PRAG1: variants seen among roughly 807,000 people sequenced by gnomAD.
The protein encoded by PRAG1 is inactive tyrosine-protein kinase PRAG1.
A neutral mutation model predicts 95.6 loss-of-function variants in PRAG1; 110 were observed. The ratio of observed to expected loss-of-function variants is 1.15; its 90% CI spans 0.99 to 1.35. PRAG1 has a LOEUF of 1.35. PRAG1 is among the 40% of genes most tolerant of loss of function. PRAG1 has a pLI of 0.00. For synonymous variants in PRAG1, 1,052 were observed against 819.4 expected, an observed-to-expected ratio of 1.28 and a Z score of -4.85; for missense variants, 2,554 against 1,864.7, an observed-to-expected ratio of 1.37 and a Z score of -6.81.
At chr8:8,345,588 C>G (rs1313250872) in intron 3 of PRAG1, among the ~76,000 whole-genome samples, 1 of 151,824 alleles carries the variant, frequency 6.6e-6, no homozygotes, top group African/African-American at 2.4e-5. Context: ...GCCAGGAGTT[C>G]GAGACCACCC....
intron 1 of PRAG1, among the ~76,000 whole-genome samples, chr8:8,382,238 C>G (rs1412788432): frequency 6.6e-6 from 1 of 152,056 alleles, no homozygotes; most frequent in Non-Finnish European, 1.5e-5. Context: ...CGCTGACCCA[C>G]AGAAACAAGA....
rs1798675983 is a variant in PRAG1 at position 8,327,734 on chromosome 8, G to A, written c.3048C>T (p.Asp1016=). Residue 1016 remains aspartate (D), a synonymous_variant, in exon 5 of 6, where the codon GAC becomes GAT. Coordinates refer to ENST00000615670, the MANE Select transcript of PRAG1 (RefSeq NM_001080826.3). ...CTTTCACAGCATAGGTGCTGCCGGG[G>A]TCCTCAGAGCAGGTGGCACAGTAAT... ...AIYYCATCSE[D]PGSTYAVKIC... is the part of the protein sequence containing the mutation. 1.9e-6 allele frequency: 3 copies of A among 1,613,588 alleles called. No individual in the cohort carries two copies. Among genetic ancestry groups the A allele is most frequent in the South Asian group, 1.1e-5 (1 of 91,040 alleles).
In PRAG1 at chr8:8,339,544, G is replaced by A; in HGVS notation, c.2254C>T (p.His752Tyr). 6.2e-7 allele frequency: 1 copy of A among 1,614,160 alleles called. No homozygotes were observed. The highest frequency in any genetic ancestry group is 8.5e-7 in the Non-Finnish European group (1 of 1,180,014). The change falls in exon 4 of 6, where the codon CAC becomes TAC. Residue 752 changes from histidine (H) to tyrosine (Y), a missense_variant. His to Tyr is a moderately conservative substitution (Grantham distance 83). Transcript: ENST00000615670. ...GTGGAGCCGGTGGTGAAGCTGACGT[G>A]GACACCCCTGAAGGATGGGCTGAGG... The part of the protein sequence containing the change: ...ESLSPSFRGV[H>Y]VSFTTGSTDS...
Position 8,377,238 on chromosome 8 carries a change from G to T in PRAG1, c.1171C>A (p.Leu391Ile). 6.2e-7 allele frequency: 1 copy of T among 1,612,870 alleles called. No individual in the cohort carries two copies. Among genetic ancestry groups the T allele is most frequent in the Non-Finnish European group, 8.5e-7 (1 of 1,179,976 alleles). ...GGCTGGGGCTCCCCCGTCAGCCCAA[G>T]GCATCTGCTAGGGGTCACCCCTGGG... ...GCPGVTPSRC[L>I]GLTGEPQPPA... The change falls in exon 3 of 6, where the codon CTT (leucine) becomes ATT (isoleucine). Residue 391 changes from leucine (L) to isoleucine (I), a missense_variant. Transcript: ENST00000615670.
intron 4 of PRAG1, among the ~76,000 whole-genome samples, chr8:8,338,571 T>C (rs1195142833): frequency 1.3e-5 from 2 of 152,210 alleles, no homozygotes; most frequent in Non-Finnish European, 1.5e-5. Flanking sequence ...AAATCAAGAC[T>C]AAGATATTTC....
intron 4 of PRAG1, among the ~76,000 whole-genome samples, chr8:8,337,916 TG>T (rs1302234544): frequency 6.6e-6 from 1 of 152,066 alleles, no homozygotes; most frequent in African/African-American, 2.4e-5. Context: ...CCCTTGCCGG[TG>T]TCTATTGAAG....
In PRAG1 at chr8:8,377,985, G is replaced by C. The variant is rs371444632; in HGVS notation, c.424C>G (p.Pro142Ala). The change falls in exon 3 of 6, where the codon CCT (proline) becomes GCT (alanine). Residue 142 changes from proline to alanine, a missense_variant. Transcript: ENST00000615670. The stretch of plus-strand genomic sequence containing the variant: ...TCAGGGGAGGTAGAGGGACCAGCAG[G>C]CTTCTGTACACCTCGGAAGCTGCCC... ...YLGSFRGVQK[P>A]AGPSTSPDGN... is the part of the protein sequence containing the mutation. 1.9e-6 allele frequency: 3 copies of C among 1,612,142 alleles called. No individual in the cohort carries two copies. Among genetic ancestry groups the C allele is most frequent in the East Asian group, 2.2e-5 (1 of 44,860 alleles).
chr8:8,323,655 C>T (rs968056930), intron 5 of PRAG1, among the ~76,000 whole-genome samples: 2 of 152,112 alleles, frequency 1.3e-5, no homozygotes, highest in African/African-American at 4.8e-5. Context: ...CTTCTCCTTG[C>T]TGCCACCATG....
intron 4 of PRAG1, among the ~76,000 whole-genome samples, chr8:8,336,245 C>T (rs926973306): frequency 2.6e-5 from 4 of 152,128 alleles, no homozygotes; most frequent in Non-Finnish European, 1.5e-5. Flanking sequence ...TGGTATCCTA[C>T]ATCAAAGAGG....
chr8:8,339,698 G>A, intron 3 of PRAG1, 63 bp from the exon 4 acceptor site: 5 of 1,512,748 alleles, frequency 3.3e-6, no homozygotes, highest in Non-Finnish European at 4.5e-6. Context: ...AAACCAGGCT[G>A]ATGGATCATG....
chr8:8,345,892 T>A (rs1799325122), intron 3 of PRAG1, among the ~76,000 whole-genome samples: 1 of 152,234 alleles, frequency 6.6e-6, no homozygotes, highest in South Asian at 2.1e-4. Flanking sequence ...CTGTACTTTT[T>A]GAGAATTGCC....
chr8:8,367,157 G>A (rs186636490), intron 3 of PRAG1, among the ~76,000 whole-genome samples: 17 of 152,108 alleles, frequency 1.1e-4, no homozygotes, highest in Non-Finnish European at 2.5e-4. Flanking sequence ...CAACCCAAGT[G>A]TTCTCATGGT....
At chr8:8,350,551 T>TA (rs1480331977) in intron 3 of PRAG1, among the ~76,000 whole-genome samples, 2 of 152,190 alleles carry the variant, frequency 1.3e-5, no homozygotes, top group East Asian at 3.8e-4. Context: ...GCCTTGCCTA[T>TA]AGGCAAGCAC....
chr8:8,380,812 C>A (rs1477326251), intron 2 of PRAG1, among the ~76,000 whole-genome samples: 1 of 136,882 alleles, frequency 7.3e-6, no homozygotes, highest in Non-Finnish European at 1.5e-5. Context: ...GAGATCGCAC[C>A]ACTACACTCC....
intron 3 of PRAG1, among the ~76,000 whole-genome samples, chr8:8,344,448 CATA>C (rs1184143359): frequency 6.6e-6 from 1 of 152,078 alleles, no homozygotes; most frequent in Non-Finnish European, 1.5e-5. Flanking sequence ...TTACGGAGCA[CATA>C]ATAAAATGTA....
intron 5 of PRAG1, among the ~76,000 whole-genome samples, chr8:8,325,631 C>T (rs191341704): frequency 5.9e-5 from 9 of 152,220 alleles, no homozygotes; most frequent in Middle Eastern, 3.4e-3. Context: ...AAAACTGTGG[C>T]GGGGCACGGT....
rs1296535215 is a variant in PRAG1, at chr8:8,318,958, G to C, written c.3417C>G (p.His1139Gln). The C allele has an allele frequency of 1.2e-6, 2 of 1,612,990 alleles. No individual in the cohort carries two copies. The highest frequency in any genetic ancestry group is 1.7e-6 in the Non-Finnish European group (2 of 1,179,710). ...LCNGLEHLKE[H>Q]GIIHRDLCLE... is the part of the protein sequence containing the mutation. ...GGCACAGGTCCCGGTGGATGATCCC[G>C]TGCTCCTTCAGGTGCTCCAGCCCGT... is the stretch of plus-strand genomic sequence containing the variant. The change falls in exon 6 of 6, where the codon CAC becomes CAG. Residue 1139 changes from histidine (H) to glutamine (Q), a missense_variant. Transcript: ENST00000615670. The surrounding 1 kb of genome is among the most constrained non-coding windows in gnomAD (Gnocchi z 4.2).
chr8:8,338,667 A>T (rs1028694344), intron 4 of PRAG1, among the ~76,000 whole-genome samples: 1 of 152,212 alleles, frequency 6.6e-6, no homozygotes, highest in Non-Finnish European at 1.5e-5. Flanking sequence ...CTCAGCCAGT[A>T]CCTATTGTTT....
chr8:8,370,015 C>T (rs1800140501), intron 3 of PRAG1, among the ~76,000 whole-genome samples: 2 of 152,010 alleles, frequency 1.3e-5, no homozygotes, highest in Non-Finnish European at 2.9e-5. Context: ...TGCACAGAGC[C>T]CACTCAAAAG....
Sources: allele counts gnomAD v4.1 joint callset (sites outside exome capture counted in the v4.1 genomes callset), GRCh38; gene constraint gnomAD v4.1.1; non-coding constraint Gnocchi (gnomAD v3.1); transcripts MANE v1.5; gene names NCBI Gene and HGNC (gene_info 2026-07-23, HGNC 2026-07-21).